NFIB: variants seen among roughly 807,000 people sequenced by gnomAD.
NFIB encodes nuclear factor I B.
A neutral mutation model predicts 61.5 loss-of-function variants in NFIB; 11 were observed. That is an observed-to-expected ratio of 0.18 (90% CI 0.11 to 0.30). The LOEUF (loss-of-function observed/expected upper bound fraction) is 0.30, where lower values mean the gene tolerates loss of function less well. Ranked by LOEUF, NFIB falls within the 10% of genes least tolerant of loss-of-function variation. The pLI, the probability that NFIB is intolerant of heterozygous loss-of-function variation, is 1.00. For missense variants in NFIB, 471 were observed against 608.9 expected (o/e 0.77, Z 2.38); for synonymous variants, 260 against 216.5 (o/e 1.20, Z -1.76).
intron 2 of NFIB, among the ~76,000 whole-genome samples, chr9:14,294,849 T>G (rs1438192625): frequency 6.6e-6 from 1 of 152,226 alleles, no homozygotes; most frequent in Non-Finnish European, 1.5e-5. Context: ...TAGTAGGGAT[T>G]GTGGATATGA....
At chr9:14,213,304 C>T (rs1414401000) in intron 2 of NFIB, among the ~76,000 whole-genome samples, 1 of 147,906 alleles carries the variant, frequency 6.8e-6, no homozygotes, top group Non-Finnish European at 1.5e-5. Flanking sequence ...GCAGGTTGAT[C>T]TTTGGAAAGT....
At chr9:14,289,775 A>G (rs1195584568) in intron 2 of NFIB, among the ~76,000 whole-genome samples, 2 of 152,058 alleles carry the variant, frequency 1.3e-5, no homozygotes, top group Non-Finnish European at 2.9e-5. Context: ...AAAACAGTCA[A>G]AATTATTCTT....
At chr9:14,117,780 C>T (rs538043584) in intron 8 of NFIB, among the ~76,000 whole-genome samples, 4 of 152,118 alleles carry the variant, frequency 2.6e-5, no homozygotes, top group Non-Finnish European at 5.9e-5. Context: ...AGAGTTACAT[C>T]TTTAAACTAA....
intron 8 of NFIB, among the ~76,000 whole-genome samples, chr9:14,116,579 C>T (rs1228552278): frequency 6.6e-6 from 1 of 152,214 alleles, no homozygotes; most frequent in Non-Finnish European, 1.5e-5. Context: ...AGGTGAATTC[C>T]TCTTTACAGC....
chr9:14,404,779 C>G, the NFIB span, among the ~76,000 whole-genome samples: 2 of 152,128 alleles, frequency 1.3e-5, no homozygotes, highest in Admixed American at 6.5e-5. Context: ...GATGGTGTGA[C>G]AGTAGCAGCA....
intron 3 of NFIB, among the ~76,000 whole-genome samples, chr9:14,164,836 T>C (rs548968681): frequency 2.0e-5 from 3 of 152,254 alleles, no homozygotes; most frequent in East Asian, 3.9e-4. Flanking sequence ...CCCCAGCTAT[T>C]CTGATTTAAT....
intron 2 of NFIB, among the ~76,000 whole-genome samples, chr9:14,274,754 A>G (rs1191743917): frequency 6.6e-6 from 1 of 152,230 alleles, no homozygotes; most frequent in African/African-American, 2.4e-5. Context: ...ACAAAATTAA[A>G]GACAAAAGAA....
At chr9:14,184,066 G>A (rs901400242) in intron 2 of NFIB, among the ~76,000 whole-genome samples, 1 of 149,620 alleles carries the variant, frequency 6.7e-6, no homozygotes, top group Non-Finnish European at 1.5e-5. Context: ...TTTAAAAGCG[G>A]TCAATCTCTC....
At chr9:14,513,878 G>A in the NFIB span, among the ~76,000 whole-genome samples, 1 of 152,084 alleles carries the variant, frequency 6.6e-6, no homozygotes, top group Non-Finnish European at 1.5e-5. Context: ...GTTTTAATGA[G>A]GATTACATGA....
chr9:14,484,731 G>T, the NFIB span, among the ~76,000 whole-genome samples: 1 of 152,098 alleles, frequency 6.6e-6, no homozygotes, highest in South Asian at 2.1e-4. Context: ...TCTGCAATAC[G>T]CCAGACTCCA....
intron 3 of NFIB, among the ~76,000 whole-genome samples, chr9:14,176,465 A>G (rs1335860294): frequency 6.6e-6 from 1 of 152,198 alleles, no homozygotes; most frequent in Non-Finnish European, 1.5e-5. Context: ...CTGCCACGTA[A>G]CAAAGAATGC....
At position 14,331,511 on chromosome 9, in the gene NFIB, T is replaced by C. The variant is rs566102993; in HGVS notation, c.109-23991A>G. ...TGAGTGTGGATTTAAGTTTTGGATA[T>C]AGCCAGGATTCATTCAATACCCTGT... On this transcript the variant is annotated intron_variant, in intron 1 of 8. Coordinates refer to the NFIB transcript ENST00000380934. 5.9e-5 allele frequency among the ~76,000 whole-genome samples: 9 copies of C among 152,016 alleles called. No individual in the cohort carries two copies. In the East Asian group the frequency reaches 1.7e-3, roughly 29 times the overall value.
At chr9:14,242,596 A>C (rs1036581418) in intron 2 of NFIB, among the ~76,000 whole-genome samples, 1 of 152,244 alleles carries the variant, frequency 6.6e-6, no homozygotes, top group African/African-American at 2.4e-5. Flanking sequence ...TGTGCTAGGA[A>C]GAAAGCAAGC....
intron 2 of NFIB, among the ~76,000 whole-genome samples, chr9:14,220,074 A>G (rs2051456955): frequency 6.6e-6 from 1 of 152,200 alleles, no homozygotes; most frequent in African/African-American, 2.4e-5. Context: ...CTGCATGTTG[A>G]GCCAAGGAAT....
chr9:14,264,241 A>T (rs559857210), intron 2 of NFIB, among the ~76,000 whole-genome samples: 1 of 152,112 alleles, frequency 6.6e-6, no homozygotes, highest in African/African-American at 2.4e-5. Context: ...CAAAAGTCCA[A>T]TTTTATTTTT....
the NFIB span, among the ~76,000 whole-genome samples, chr9:14,427,954 T>TTGTTTTTTTTTTG: frequency 8.5e-6 from 1 of 117,566 alleles, no homozygotes; most frequent in African/African-American, 3.1e-5. Flanking sequence ...TTTTTTTTTT[T>TTGTTTTTTTTTTG]TTTTTTTTTT....
At chr9:14,236,312 T>C (rs1161583494) in intron 2 of NFIB, among the ~76,000 whole-genome samples, 1 of 152,204 alleles carries the variant, frequency 6.6e-6, no homozygotes, top group Non-Finnish European at 1.5e-5. Context: ...GTGTTTGCAA[T>C]CTCCAGAGAA....
chr9:14,351,216 G>C (rs1218373519), intron 1 of NFIB, among the ~76,000 whole-genome samples: 1 of 152,220 alleles, frequency 6.6e-6, no homozygotes, highest in Non-Finnish European at 1.5e-5. Context: ...TTAAGATAAA[G>C]TTTATGCTGG....
chr9:14,082,775 A>C lies in NFIB; in HGVS notation c.*5534T>G. 1 of 198,092 alleles carries C rather than the reference A, an allele frequency of 5.0e-6. No individual in the cohort carries two copies. The highest frequency in any genetic ancestry group is 1.0e-5 in the Non-Finnish European group (1 of 95,736). The allele number at this position is 198,092 out of a possible 1,614,324, so 12.3% of individuals were successfully genotyped here. On this transcript the variant is annotated 3_prime_UTR_variant, in exon 11 of 11. Transcript: ENST00000380953. ...GCATAAAAAGCCATACTTCTTAAAA[A>C]AAAAAAAAAGAAAAAAAAAGACTTC...
Sources: gnomAD v4.1 joint callset for allele counts (sites outside exome capture counted in the v4.1 genomes callset) on GRCh38, gnomAD v4.1.1 for gene constraint, MANE v1.5 for transcripts, NCBI Gene and HGNC (gene_info 2026-07-23, HGNC 2026-07-21) for gene names.